ARHGAP42: variants seen among roughly 807,000 people sequenced by gnomAD.
ARHGAP42 encodes the protein Rho GTPase activating protein 42.
ARHGAP42 carries 63 observed loss-of-function variants against 125.0 expected under a neutral mutation model. The ratio of observed to expected loss-of-function variants is 0.50; its 90% CI spans 0.41 to 0.62. The LOEUF (loss-of-function observed/expected upper bound fraction) is 0.62. ARHGAP42 is among the 20% of genes least tolerant of loss of function. The probability of loss-of-function intolerance (pLI) is 0.00; values close to 1 mark genes in which losing one functional copy is unlikely to be tolerated. For missense variants in ARHGAP42, 766 were observed against 1,024.2 expected, an observed-to-expected ratio of 0.75 and a Z score of 3.44; for synonymous variants, 339 against 351.0, an observed-to-expected ratio of 0.97 and a Z score of 0.38.
At chr11:100,860,517 T>C (rs1865419890) in intron 4 of ARHGAP42, among the ~76,000 whole-genome samples, 1 of 152,100 alleles carries the variant, frequency 6.6e-6, no homozygotes. Flanking sequence ...TTTTGAACTT[T>C]GCTACCCACC....
intron 1 of ARHGAP42, among the ~76,000 whole-genome samples, chr11:100,749,493 C>A (rs1012842009): frequency 4.8e-5 from 7 of 147,118 alleles, no homozygotes; most frequent in African/African-American, 1.8e-4. Flanking sequence ...TGGCCTGCCC[C>A]GGAAGGCTCA....
At chr11:100,732,512 A>G (rs1358231043) in intron 1 of ARHGAP42, among the ~76,000 whole-genome samples, 1 of 152,212 alleles carries the variant, frequency 6.6e-6, no homozygotes, top group Non-Finnish European at 1.5e-5. Context: ...GCAAGTAGGT[A>G]CAAACAGCCG....
chr11:100,714,783 AC>A (rs1861626603), intron 1 of ARHGAP42, among the ~76,000 whole-genome samples: 1 of 152,002 alleles, frequency 6.6e-6, no homozygotes, highest in East Asian at 1.9e-4. Context: ...TAATCCCAGC[AC>A]TTTTGGAGGC....
intron 1 of ARHGAP42, among the ~76,000 whole-genome samples, chr11:100,765,180 C>T (rs1208221961): frequency 2.0e-5 from 3 of 152,118 alleles, no homozygotes; most frequent in Non-Finnish European, 4.4e-5. Context: ...TGAGTATGTA[C>T]GTGGAAGCTA....
intron 4 of ARHGAP42, among the ~76,000 whole-genome samples, chr11:100,865,850 G>A (rs112561364): frequency 0.022 from 3,333 of 152,200 alleles, 44 homozygotes; most frequent in Non-Finnish European, 0.023. Context: ...GATGTTGATA[G>A]CAGCTGACTG....
chr11:100,913,124 T>A (rs1379841778), intron 4 of ARHGAP42, among the ~76,000 whole-genome samples: 1 of 152,196 alleles, frequency 6.6e-6, no homozygotes, highest in Non-Finnish European at 1.5e-5. Context: ...GAGTCAATTA[T>A]AGAGCTCTTG....
At chr11:100,863,477 A>C (rs1304651493) in intron 4 of ARHGAP42, among the ~76,000 whole-genome samples, 1 of 152,200 alleles carries the variant, frequency 6.6e-6, no homozygotes, top group Non-Finnish European at 1.5e-5. Context: ...AGATCCATGG[A>C]CCACAAACAT....
intron 8 of ARHGAP42, among the ~76,000 whole-genome samples, chr11:100,937,725 A>G (rs577658668): frequency 1.3e-5 from 2 of 152,362 alleles, no homozygotes; most frequent in Admixed American, 6.5e-5. Context: ...TTGTGGGCAC[A>G]CAATATTTTA....
intron 4 of ARHGAP42, among the ~76,000 whole-genome samples, chr11:100,885,399 A>G (rs958578423): frequency 6.6e-6 from 1 of 152,208 alleles, no homozygotes; most frequent in Admixed American, 6.5e-5. Context: ...TTATTTATAT[A>G]GCACTTCCCT....
intron 2 of ARHGAP42, among the ~76,000 whole-genome samples, chr11:100,775,719 G>A (rs968836603): frequency 2.6e-5 from 4 of 152,202 alleles, no homozygotes; most frequent in Non-Finnish European, 5.9e-5. Context: ...AAGACTTTAA[G>A]TCTGAGCACA....
intron 1 of ARHGAP42, among the ~76,000 whole-genome samples, chr11:100,702,438 A>G (rs1861411828): frequency 6.6e-6 from 1 of 152,158 alleles, no homozygotes; most frequent in East Asian, 1.9e-4. Context: ...AGATGTAGCA[A>G]TAATGAAGAA....
At chr11:100,687,935 A>G (rs944248376) in intron 1 of ARHGAP42, 103 bp downstream of exon 1, 10 of 1,336,080 alleles carry the variant, frequency 7.5e-6, no homozygotes, top group Non-Finnish European at 1.0e-5. Context: ...TTTTGTTTGA[A>G]TGGATTTGGG....
At chr11:100,794,727 T>A (rs1863667049) in intron 2 of ARHGAP42, among the ~76,000 whole-genome samples, 1 of 152,198 alleles carries the variant, frequency 6.6e-6, no homozygotes, top group Admixed American at 6.5e-5. Flanking sequence ...GACTTAAAAA[T>A]GTTTGGTTAT....
intron 3 of ARHGAP42, among the ~76,000 whole-genome samples, chr11:100,812,806 C>T (rs181211779): frequency 6.6e-6 from 1 of 151,962 alleles, no homozygotes; most frequent in African/African-American, 2.4e-5. Flanking sequence ...GTTGATTGGG[C>T]GGGGGGATTA....
At chr11:100,722,551 T>C (rs1362764373) in intron 1 of ARHGAP42, among the ~76,000 whole-genome samples, 1 of 151,912 alleles carries the variant, frequency 6.6e-6, no homozygotes, top group Non-Finnish European at 1.5e-5. Context: ...CCACCATGCC[T>C]GGGTAATTTT....
chr11:100,949,322 T>G (rs1315748735), intron 11 of ARHGAP42, among the ~76,000 whole-genome samples: 3 of 152,176 alleles, frequency 2.0e-5, no homozygotes, highest in Admixed American at 2.0e-4. Context: ...TAGAAAATCC[T>G]GTAGCCACTT....
chr11:100,921,501 C>T lies in ARHGAP42; in HGVS notation c.494C>T (p.Thr165Ile). ...KKESHLQEAD[T>I]QIDREHQNFY... is the part of the protein sequence containing the mutation. ...TCTGGTTTTTCTCTTTAGGCAGATA[C>T]ACAAATTGACCGAGAACATCAGAAC... Residue 165 changes from threonine to isoleucine, a missense_variant, in exon 6 of 24, where the codon ACA becomes ATA. Thr to Ile is a moderately conservative substitution (Grantham distance 89, BLOSUM62 -1). Transcript: ENST00000298815. 1.3e-6 allele frequency: 2 copies of T among 1,543,092 alleles called. No homozygotes were observed. Among genetic ancestry groups the T allele is most frequent in the Non-Finnish European group, 1.8e-6 (2 of 1,142,766 alleles).
chr11:100,993,787 T>A lies in ARHGAP42; in HGVS notation c.*4986T>A. ...TTTGTTTATTTTGTAGTGTTCTGTA[T>A]TTATCTGCACTTTGTGTATATATAC... On this transcript the variant is annotated 3_prime_UTR_variant, in exon 24 of 24. Coordinates refer to ENST00000298815, the MANE Select transcript of ARHGAP42 (RefSeq NM_152432.4). 1 of 167,198 alleles carries A rather than the reference T, an allele frequency of 6.0e-6. No homozygotes were observed. 10.4% of individuals were successfully genotyped at this position (167,198 alleles called of 1,614,324 possible).
chr11:100,978,585 T>C (rs1858449217), intron 21 of ARHGAP42, among the ~76,000 whole-genome samples: 1 of 152,202 alleles, frequency 6.6e-6, no homozygotes, highest in African/African-American at 2.4e-5. Flanking sequence ...AGTGTTTTCT[T>C]AGCTAAAAGA....
Sources: gnomAD v4.1 joint callset for allele counts (sites outside exome capture counted in the v4.1 genomes callset) on GRCh38, gnomAD v4.1.1 for gene constraint, MANE v1.5 for transcripts, NCBI Gene and HGNC (gene_info 2026-07-23, HGNC 2026-07-21) for gene names.